IGLL5: variants seen among roughly 807,000 people sequenced by gnomAD.
The protein encoded by IGLL5 is immunoglobulin lambda-like polypeptide 5.
In IGLL5, 30 loss-of-function variants were observed where a neutral mutation model predicts 20.9. The ratio of observed to expected loss-of-function variants is 1.44; its 90% CI spans 1.07 to 1.95. The LOEUF (loss-of-function observed/expected upper bound fraction) is 1.95, where lower values mean the gene tolerates loss of function less well. Among genes scored for constraint, IGLL5 ranks in the 30% most tolerant of loss-of-function variants. The pLI is 0.00. For missense variants in IGLL5, 475 were observed against 270.7 expected (o/e 1.75, Z -5.30); for synonymous variants, 203 against 117.3 (o/e 1.73, Z -4.72).
At chr22:22,893,855 CTCTGCTGTCCCTGGAAAA>C (rs1601621212) in intron 2 of IGLL5, 37 bp downstream of exon 2, 1 of 1,355,138 alleles carries the variant, frequency 7.4e-7, no homozygotes. Context: ...CTGTCTCACC[CTCTGCTGTCCCTGGAAAA>C]TCTGTTTTCT....
chr22:22,890,461 C>G (rs1056795710), intron 1 of IGLL5, among the ~76,000 whole-genome samples: 1 of 148,728 alleles, frequency 6.7e-6, no homozygotes, highest in South Asian at 2.2e-4. Flanking sequence ...ACATTCATTG[C>G]TTATAAACTT....
rs1162059724 is a variant in IGLL5 at position 22,888,182 on chromosome 22, T to C, written c.129T>C (p.Val43=). The change falls in exon 1 of 3, where the codon GTT becomes GTC. Residue 43 remains valine (V), a synonymous_variant. Transcript: ENST00000526893. ...MVAHGLLRPM[V]APQSGDPDPG... ...CCCATGGCCTGCTGCGCCCAATGGT[T>C]GCACCGCAAAGCGGGGACCCAGACC... 2.6e-6 allele frequency: 4 copies of C among 1,548,912 alleles called. No individual in the cohort carries two copies. The highest frequency in any genetic ancestry group is 3.5e-6 in the Non-Finnish European group (4 of 1,146,560).
intron 1 of IGLL5, among the ~76,000 whole-genome samples, chr22:22,889,192 G>T (rs571106769): frequency 6.6e-6 from 1 of 151,142 alleles, no homozygotes. Flanking sequence ...GTCCAGGGTA[G>T]GTGGGGATCC....
rs1166414471 is a variant in IGLL5 at position 22,895,395 on chromosome 22, A to T, written c.346A>T (p.Thr116Ser). The T allele has an allele frequency of 6.2e-7, 1 of 1,612,770 alleles. No homozygotes were observed. Among genetic ancestry groups the T allele is most frequent in the Admixed American group, 1.7e-5 (1 of 59,844 alleles). ...CACAGGTCAGCCCAAGGCCAACCCC[A>T]CTGTCACTCTGTTCCCGCCCTCCTC... Reference protein sequence around the residue: ...TVLGQPKANPTVTLFPPSSEE... With the variant: ...TVLGQPKANPSVTLFPPSSEE... The change falls in exon 3 of 3, where the codon ACT becomes TCT. Residue 116 changes from threonine to serine, a missense_variant. Thr to Ser is a moderately conservative substitution (Grantham distance 58). Coordinates refer to ENST00000526893, the MANE Select transcript of IGLL5 (RefSeq NM_001178126.2).
At chr22:22,888,626 T>G (rs532364336) in intron 1 of IGLL5, among the ~76,000 whole-genome samples, 2 of 151,086 alleles carry the variant, frequency 1.3e-5, no homozygotes, top group Admixed American at 6.6e-5. Context: ...CCAGGCCTGT[T>G]CCTCCCCCTC....
chr22:22,888,314 G>T, intron 1 of IGLL5, 55 bp downstream of exon 1: 1 of 1,502,718 alleles, frequency 6.7e-7, no homozygotes, highest in South Asian at 1.2e-5. Flanking sequence ...AGCTGGGAAA[G>T]GGTGACCAAG....
In IGLL5 at chr22:22,888,275, T is replaced by A. The variant is rs752092449; in HGVS notation, c.206+16T>A. The A allele has an allele frequency of 3.2e-6, 5 of 1,545,580 alleles. No homozygotes were observed. The highest frequency in any genetic ancestry group is 2.5e-5 in the East Asian group (1 of 40,616). On this transcript the variant is annotated intron_variant, in intron 1 of 2. Transcript: ENST00000526893. ...TGTGGGGCAGGTAAGGGGCAAGAGATTCCAGGGGATGTGGGGGTCCTGCAG... is the reference window on the plus strand; with the variant it reads ...TGTGGGGCAGGTAAGGGGCAAGAGAATCCAGGGGATGTGGGGGTCCTGCAG...
intron 1 of IGLL5, among the ~76,000 whole-genome samples, chr22:22,889,566 A>G (rs1029710490): frequency 2.0e-5 from 3 of 151,216 alleles, no homozygotes; most frequent in South Asian, 2.1e-4. Context: ...AGGGTGTGAA[A>G]AAACACAATT....
intron 1 of IGLL5, among the ~76,000 whole-genome samples, 188 bp downstream of exon 1, chr22:22,888,447 T>A (rs191436738): frequency 2.6e-5 from 4 of 151,408 alleles, no homozygotes; most frequent in East Asian, 2.0e-4. Flanking sequence ...CTGTTTTTAA[T>A]ATCATATTAC....
chr22:22,889,479 T>A (rs2067724048), intron 1 of IGLL5, among the ~76,000 whole-genome samples: 1 of 151,316 alleles, frequency 6.6e-6, no homozygotes, highest in South Asian at 2.1e-4. Context: ...TGTAACCAAA[T>A]CTTTATAACA....
At chr22:22,890,808 G>A (rs1424304411) in intron 1 of IGLL5, among the ~76,000 whole-genome samples, 1 of 151,024 alleles carries the variant, frequency 6.6e-6, no homozygotes, top group Non-Finnish European at 1.5e-5. Context: ...CCCATCTGAT[G>A]AGCAAAAAAT....
At chr22:22,894,742 TCTGTGGTCGGG>T (rs2066691949) in intron 2 of IGLL5, among the ~76,000 whole-genome samples, 1 of 151,138 alleles carries the variant, frequency 6.6e-6, no homozygotes, top group African/African-American at 2.4e-5. Context: ...GGTGAAGGGT[TCTGTGGTCGGG>T]CTTGTGGAGA....
intron 1 of IGLL5, among the ~76,000 whole-genome samples, chr22:22,890,376 A>G (rs534474516): frequency 2.0e-5 from 3 of 148,072 alleles, no homozygotes; most frequent in East Asian, 2.1e-4. Context: ...TTGCAAAAGT[A>G]AGAGCCATAT....
At chr22:22,888,658 C>G (rs909428168) in intron 1 of IGLL5, among the ~76,000 whole-genome samples, 1 of 151,206 alleles carries the variant, frequency 6.6e-6, no homozygotes, top group African/African-American at 2.4e-5. Context: ...CCATGTGCCT[C>G]CTGCCCAGTG....
intron 2 of IGLL5, among the ~76,000 whole-genome samples, chr22:22,894,981 A>C: frequency 6.6e-6 from 1 of 151,472 alleles, no homozygotes. Flanking sequence ...AGGAGGCTCT[A>C]GGTCCTGGAA....
At chr22:22,889,598 T>C (rs2067737057) in intron 1 of IGLL5, among the ~76,000 whole-genome samples, 1 of 151,266 alleles carries the variant, frequency 6.6e-6, no homozygotes, top group East Asian at 2.0e-4. Context: ...ACTGTTGTTG[T>C]TTTTGTTTTG....
rs773876836 is a variant in IGLL5 at position 22,895,707 on chromosome 22, A to G, written c.*13A>G. 15 of 1,612,634 alleles carry G rather than the reference A, an allele frequency of 9.3e-6. No homozygotes were observed. The highest frequency in any genetic ancestry group is 4.0e-5 in the African/African-American group (3 of 74,748). On this transcript the variant is annotated 3_prime_UTR_variant, in exon 3 of 3. Transcript: ENST00000526893. ...AGAATGTTCATAGGTTCCCAACTCT[A>G]ACCCCACCCACGGGAGCCTGGAGCT...
intron 1 of IGLL5, among the ~76,000 whole-genome samples, chr22:22,888,684 C>A (rs1414143670): frequency 1.3e-5 from 2 of 151,344 alleles, no homozygotes; most frequent in South Asian, 2.1e-4. Flanking sequence ...AGGGGCCACT[C>A]CCTGGAGAAG....
In IGLL5 at chr22:22,895,547, C is replaced by G. The variant is rs1329160264; in HGVS notation, c.498C>G (p.Pro166=). 6.2e-7 allele frequency: 1 copy of G among 1,612,882 alleles called. No individual in the cohort carries two copies. The highest frequency in any genetic ancestry group is 1.3e-5 in the African/African-American group (1 of 74,774). The change falls in exon 3 of 3, where the codon CCC becomes CCG. Residue 166 remains proline (P), a synonymous_variant. Coordinates refer to ENST00000526893, the MANE Select transcript of IGLL5 (RefSeq NM_001178126.2). ...PVKAGVETTK[P]SKQSNNKYAA... The stretch of plus-strand genomic sequence containing the variant: ...AGGCGGGAGTGGAGACCACCAAACC[C>G]TCCAAACAGAGCAACAACAAGTACG...
Sources: allele counts gnomAD v4.1 joint callset (sites outside exome capture counted in the v4.1 genomes callset), GRCh38; gene constraint gnomAD v4.1.1; transcripts MANE v1.5; gene names NCBI Gene and HGNC (gene_info 2026-07-23, HGNC 2026-07-21).